Variants in TMEM131L observed in about 807,000 individuals in gnomAD.
TMEM131L encodes transmembrane 131 like, also known as transmembrane protein 131-like.
In TMEM131L, 54 loss-of-function variants were observed where a neutral mutation model predicts 192.2. The ratio of observed to expected loss-of-function variants is 0.28; its 90% CI spans 0.23 to 0.35. The LOEUF is 0.35. Among genes scored for constraint, TMEM131L ranks in the 10% least tolerant of loss-of-function variants. TMEM131L has a pLI of 1.00. For missense variants in TMEM131L, 1,888 were observed against 1,972.9 expected (o/e 0.96, Z 0.82); for synonymous variants, 701 against 704.9 (o/e 0.99, Z 0.09).
chr4:153,484,659 G>A (rs556531290), intron 3 of TMEM131L, among the ~76,000 whole-genome samples: 1 of 148,642 alleles, frequency 6.7e-6, no homozygotes, highest in African/African-American at 2.5e-5. Context: ...CAGTAGAGAC[G>A]GGGTTTCACC....
chr4:153,503,468 T>G (rs989107200), intron 3 of TMEM131L, among the ~76,000 whole-genome samples: 1 of 152,230 alleles, frequency 6.6e-6, no homozygotes, highest in Non-Finnish European at 1.5e-5. Flanking sequence ...TATTTTCAGA[T>G]TTACTCATTA....
intron 28 of TMEM131L, 85 bp downstream of exon 28, chr4:153,621,934 C>G (rs1003537429): frequency 3.0e-6 from 4 of 1,312,414 alleles, no homozygotes; most frequent in Non-Finnish European, 1.1e-6. Context: ...GAAATGACAC[C>G]TCAGTGATTT....
At chr4:153,571,885 C>T (rs1408145639) in intron 7 of TMEM131L, among the ~76,000 whole-genome samples, 3 of 152,164 alleles carry the variant, frequency 2.0e-5, no homozygotes, top group Non-Finnish European at 4.4e-5. Flanking sequence ...CAATTCCAGT[C>T]TGCTGAGATC....
At chr4:153,608,337 G>A (rs564966107) in intron 25 of TMEM131L, among the ~76,000 whole-genome samples, 3 of 152,192 alleles carry the variant, frequency 2.0e-5, no homozygotes, top group East Asian at 1.9e-4. Context: ...TCAAACATTC[G>A]TTATACGTTC....
chr4:153,541,293 G>T (rs1289672102), intron 3 of TMEM131L, among the ~76,000 whole-genome samples: 1 of 152,322 alleles, frequency 6.6e-6, no homozygotes, highest in Admixed American at 6.5e-5. Context: ...GTGGAATGTG[G>T]TAAGAGTAAA....
chr4:153,621,310 A>G (rs1176949603), intron 27 of TMEM131L, among the ~76,000 whole-genome samples: 2 of 152,190 alleles, frequency 1.3e-5, no homozygotes, highest in Non-Finnish European at 2.9e-5. Flanking sequence ...ATGAAACAGA[A>G]TAGTTACCCC....
intron 26 of TMEM131L, among the ~76,000 whole-genome samples, chr4:153,612,807 G>C (rs926530279): frequency 1.3e-4 from 20 of 152,062 alleles, no homozygotes; most frequent in African/African-American, 4.8e-4. Flanking sequence ...GATGAGAAAA[G>C]GATTCATGAT....
chr4:153,498,457 T>C (rs1733347728), intron 3 of TMEM131L, among the ~76,000 whole-genome samples: 2 of 152,224 alleles, frequency 1.3e-5, no homozygotes, highest in Non-Finnish European at 2.9e-5. Flanking sequence ...TTCATAAAAA[T>C]GTTTTTTGCA....
rs777298587 is a variant in TMEM131L at position 153,603,886 on chromosome 4, A to G, written c.2874A>G (p.Gln958=). The G allele has an allele frequency of 6.2e-7, 1 of 1,614,150 alleles. No homozygotes were observed. The stretch of plus-strand genomic sequence containing the variant: ...ACTGCCTTCCAGTGAACACTCCCCA[A>G]AGCAGGATCCAGAATGCTGCAAAGA... ...GKNCLPVNTP[Q]SRIQNAAKRS... The change falls in exon 25 of 35, where the codon CAA becomes CAG. Residue 958 remains glutamine (Q), a synonymous_variant. Coordinates refer to ENST00000409959, the MANE Select transcript of TMEM131L (RefSeq NM_001131007.2).
At chr4:153,536,792 G>A (rs749230530) in intron 3 of TMEM131L, among the ~76,000 whole-genome samples, 5 of 134,228 alleles carry the variant, frequency 3.7e-5, no homozygotes, top group East Asian at 5.3e-4. Context: ...AAACTCACCC[G>A]ATCACAAGGT....
intron 7 of TMEM131L, among the ~76,000 whole-genome samples, chr4:153,575,953 A>G (rs1408391462): frequency 2.7e-5 from 4 of 148,162 alleles, no homozygotes; most frequent in East Asian, 2.0e-4. Context: ...TAATATTGCT[A>G]TTGTTTTGTT....
intron 3 of TMEM131L, among the ~76,000 whole-genome samples, chr4:153,495,225 G>A (rs530455241): frequency 6.6e-6 from 1 of 152,222 alleles, no homozygotes; most frequent in South Asian, 2.1e-4. Context: ...TCTGAGGTAG[G>A]AGAATTGCTT....
intron 26 of TMEM131L, among the ~76,000 whole-genome samples, chr4:153,618,063 C>T (rs1192638477): frequency 6.6e-6 from 1 of 152,092 alleles, no homozygotes; most frequent in Admixed American, 6.5e-5. Flanking sequence ...TTTGATTTTA[C>T]TTATACACAG....
intron 3 of TMEM131L, among the ~76,000 whole-genome samples, chr4:153,494,103 G>A (rs1181889112): frequency 6.6e-6 from 1 of 151,972 alleles, no homozygotes; most frequent in Non-Finnish European, 1.5e-5. Flanking sequence ...TTGAGCCTCA[G>A]TTTTCTCATC....
At chr4:153,625,788 A>G (rs1733800137) in intron 29 of TMEM131L, among the ~76,000 whole-genome samples, 1 of 152,026 alleles carries the variant, frequency 6.6e-6, no homozygotes, top group South Asian at 2.1e-4. Flanking sequence ...CACACCTGTA[A>G]TCCCACCTAC....
At chr4:153,497,868 G>T (rs945406605) in intron 3 of TMEM131L, among the ~76,000 whole-genome samples, 10 of 32,046 alleles carry the variant, frequency 3.1e-4, no homozygotes, top group South Asian at 8.1e-4. Context: ...TTTTTGTTAT[G>T]AAAAATTTCC....
At position 153,475,905 on chromosome 4, in the gene TMEM131L, C is replaced by T. The variant is rs561282802; in HGVS notation, c.239+2017C>T. 3.3e-5 allele frequency among the ~76,000 whole-genome samples: 5 copies of T among 152,260 alleles called. No individual in the cohort carries two copies. In the East Asian group the frequency reaches 7.7e-4, roughly 23 times the overall value. On this transcript the variant is annotated intron_variant, in intron 3 of 34. Coordinates refer to ENST00000409959, the MANE Select transcript of TMEM131L (RefSeq NM_001131007.2). ...TCTTCAGAATTTGATATTCTTGAGA[C>T]GTCCTGGAACCAATCTCTCAGGGAT...
chr4:153,506,937 G>C (rs1245988255), intron 3 of TMEM131L, among the ~76,000 whole-genome samples: 2 of 152,102 alleles, frequency 1.3e-5, no homozygotes, highest in Non-Finnish European at 2.9e-5. Context: ...CCAGAGTGGG[G>C]AATAAAAACC....
intron 17 of TMEM131L, 38 bp downstream of exon 17, chr4:153,591,232 C>T (rs1731044852): frequency 6.5e-7 from 1 of 1,533,966 alleles, no homozygotes; most frequent in South Asian, 1.3e-5. Flanking sequence ...TTGTCAGTGA[C>T]TCCCCAGTGC....
Sources: allele counts gnomAD v4.1 joint callset (sites outside exome capture counted in the v4.1 genomes callset), GRCh38; gene constraint gnomAD v4.1.1; transcripts MANE v1.5; gene names NCBI Gene and HGNC (gene_info 2026-07-23, HGNC 2026-07-21).